The following SMYD3 variants were observed in gnomAD, a reference collection of about 807,000 sequenced individuals.
SMYD3 encodes histone-lysine N-methyltransferase SMYD3.
In SMYD3, 36 loss-of-function variants were observed where a neutral mutation model predicts 57.7. The observed-to-expected ratio is 0.62, with a 90% confidence interval of 0.48 to 0.82. The LOEUF (loss-of-function observed/expected upper bound fraction) is 0.82. SMYD3 is among the 40% of genes least tolerant of loss of function. The pLI is 0.00. For missense variants in SMYD3, 515 were observed against 538.8 expected, an observed-to-expected ratio of 0.96 and a Z score of 0.44; for synonymous variants, 211 against 195.0, an observed-to-expected ratio of 1.08 and a Z score of -0.68.
intron 5 of SMYD3, among the ~76,000 whole-genome samples, chr1:246,285,985 A>C (rs998713448): frequency 6.6e-6 from 1 of 152,224 alleles, no homozygotes; most frequent in Admixed American, 6.5e-5. Flanking sequence ...AAAATTTAAA[A>C]AAAATAGAAG....
intron 5 of SMYD3, among the ~76,000 whole-genome samples, chr1:246,037,883 C>T (rs1246088636): frequency 1.3e-5 from 2 of 152,182 alleles, no homozygotes; most frequent in African/African-American, 4.8e-5. Flanking sequence ...TTCATCAGAG[C>T]AAGAGTTGGC....
At chr1:245,893,759 A>ATGGTGG (rs3052907) in intron 8 of SMYD3, among the ~76,000 whole-genome samples, 9 of 151,694 alleles carry the variant, frequency 5.9e-5, no homozygotes, top group African/African-American at 1.5e-4. Context: ...CTCTATCTTG[A>ATGGTGG]TGGTGGTGGT....
At chr1:246,196,467 C>A (rs771411638) in intron 5 of SMYD3, among the ~76,000 whole-genome samples, 54 of 152,078 alleles carry the variant, frequency 3.6e-4, no homozygotes, top group Non-Finnish European at 6.6e-4. Context: ...CAATCATTAC[C>A]CAGGGAATCA....
At position 246,132,589 on chromosome 1, in the gene SMYD3, G is replaced by A. The variant is rs142542533; in HGVS notation, c.531+194612C>T. 2.0e-5 allele frequency among the ~76,000 whole-genome samples: 3 copies of A among 152,112 alleles called. No individual in the cohort carries two copies. In the East Asian group the frequency reaches 5.8e-4, roughly 29 times the overall value. On this transcript the variant is annotated intron_variant, in intron 5 of 11. Transcript: ENST00000490107. ...CATTGGCTTGAGCAATGATTACTCA[G>A]GTATGATACAAAACACAGGCAACAA...
At chr1:246,478,486 T>A (rs548952417) in intron 1 of SMYD3, among the ~76,000 whole-genome samples, 11 of 131,424 alleles carry the variant, frequency 8.4e-5, no homozygotes, top group African/African-American at 3.3e-4. Flanking sequence ...ACATAGGTGC[T>A]CATATATGCA....
chr1:245,847,791 T>C (rs2050741215), intron 10 of SMYD3, among the ~76,000 whole-genome samples: 1 of 152,196 alleles, frequency 6.6e-6, no homozygotes, highest in African/African-American at 2.4e-5. Flanking sequence ...GTCAAAGTGC[T>C]CAGTGATGGC....
At chr1:245,924,657 T>G (rs1008266708) in intron 7 of SMYD3, among the ~76,000 whole-genome samples, 264 of 10,132 alleles carry the variant, frequency 0.026, 6 homozygotes, top group Admixed American at 0.14. Context: ...TATTCCAGCT[T>G]TTTTTTTTTT....
At chr1:246,443,029 T>TA (rs1268389026) in intron 1 of SMYD3, among the ~76,000 whole-genome samples, 2 of 152,324 alleles carry the variant, frequency 1.3e-5, no homozygotes, top group African/African-American at 4.8e-5. Flanking sequence ...TATTTAAATT[T>TA]AAAAATGTAT....
intron 5 of SMYD3, among the ~76,000 whole-genome samples, chr1:246,074,021 C>T (rs1423009883): frequency 3.3e-5 from 5 of 152,318 alleles, no homozygotes; most frequent in Admixed American, 1.3e-4. Context: ...TGTGGCCAAA[C>T]GCAAACTTGC....
chr1:246,492,923 A>C (rs1303242012), intron 1 of SMYD3, among the ~76,000 whole-genome samples: 1 of 152,200 alleles, frequency 6.6e-6, no homozygotes, highest in African/African-American at 2.4e-5. Flanking sequence ...CCTCAATTCA[A>C]GGGTTTAATC....
chr1:246,366,326 A>C (rs1403813412), intron 1 of SMYD3, among the ~76,000 whole-genome samples: 1 of 152,230 alleles, frequency 6.6e-6, no homozygotes, highest in African/African-American at 2.4e-5. Flanking sequence ...TGACTAAATA[A>C]ATAAATCTAA....
intron 10 of SMYD3, among the ~76,000 whole-genome samples, chr1:245,803,044 A>C (rs543505129): frequency 6.6e-6 from 1 of 152,138 alleles, no homozygotes; most frequent in African/African-American, 2.4e-5. Context: ...AATGTTCAAG[A>C]CTCACAGGGC....
intron 5 of SMYD3, among the ~76,000 whole-genome samples, chr1:245,984,048 G>A (rs2058653864): frequency 6.7e-6 from 1 of 148,310 alleles, no homozygotes; most frequent in African/African-American, 2.5e-5. Context: ...TGCCCAGGCT[G>A]GAGTGCAATG....
intron 8 of SMYD3, among the ~76,000 whole-genome samples, chr1:245,876,836 G>A (rs1263675732): frequency 1.3e-5 from 2 of 152,146 alleles, no homozygotes; most frequent in South Asian, 2.1e-4. Flanking sequence ...GGTAAGCCCT[G>A]GGGCTATGGG....
At chr1:245,805,203 T>G (rs1402807517) in intron 10 of SMYD3, among the ~76,000 whole-genome samples, 1 of 150,936 alleles carries the variant, frequency 6.6e-6, no homozygotes, top group African/African-American at 2.4e-5. Flanking sequence ...AACCAGTACG[T>G]TACTAATGCA....
At chr1:245,948,362 C>A (rs1186821445) in intron 5 of SMYD3, among the ~76,000 whole-genome samples, 1 of 152,172 alleles carries the variant, frequency 6.6e-6, no homozygotes, top group African/African-American at 2.4e-5. Flanking sequence ...GGAAGCAAGG[C>A]AGCCTCTTTG....
chr1:245,848,689 G>C (rs963816603), intron 10 of SMYD3, among the ~76,000 whole-genome samples: 4 of 151,692 alleles, frequency 2.6e-5, no homozygotes, highest in African/African-American at 9.8e-5. Context: ...TGGGATTACA[G>C]GTGTGAGCCA....
At chr1:246,040,298 G>A (rs1043320416) in intron 5 of SMYD3, among the ~76,000 whole-genome samples, 1 of 152,156 alleles carries the variant, frequency 6.6e-6, no homozygotes, top group Non-Finnish European at 1.5e-5. Context: ...CCGGATTCAA[G>A]CTTCCTGGCA....
chr1:246,060,074 T>C (rs552488251), intron 5 of SMYD3, among the ~76,000 whole-genome samples: 14 of 152,054 alleles, frequency 9.2e-5, no homozygotes, highest in African/African-American at 3.4e-4. Context: ...TCACTTGAGC[T>C]CAGACTCAGG....
Sources: allele counts gnomAD v4.1 joint callset (sites outside exome capture counted in the v4.1 genomes callset), GRCh38; gene constraint gnomAD v4.1.1; transcripts MANE v1.5; gene names NCBI Gene and HGNC (gene_info 2026-07-23, HGNC 2026-07-21).